HEATR5A: variants seen among roughly 807,000 people sequenced by gnomAD.
The protein encoded by HEATR5A is HEAT repeat containing 5A, also known as HEAT repeat-containing protein 5A.
Under a neutral mutation model 218.8 loss-of-function variants are expected in HEATR5A, and 178 were observed. The ratio of observed to expected loss-of-function variants is 0.81; its 90% CI spans 0.72 to 0.92. HEATR5A has a LOEUF of 0.92. Among genes scored for constraint, HEATR5A ranks in the 40% least tolerant of loss-of-function variants. HEATR5A has a pLI of 0.00. For missense variants in HEATR5A, 2,420 were observed against 2,418.9 expected, an observed-to-expected ratio of 1.00 and a Z score of -0.01; for synonymous variants, 864 against 871.6, an observed-to-expected ratio of 0.99 and a Z score of 0.15.
chr14:31,300,060 C>A (rs1899320249), intron 33 of HEATR5A, among the ~76,000 whole-genome samples: 1 of 151,790 alleles, frequency 6.6e-6, no homozygotes, highest in African/African-American at 2.4e-5. Context: ...CAAAACATTT[C>A]ATTATTCCAC....
chr14:31,380,269 AAG>A (rs1566775355), intron 11 of HEATR5A, among the ~76,000 whole-genome samples, 196 bp downstream of exon 11: 1 of 152,260 alleles, frequency 6.6e-6, no homozygotes, highest in Non-Finnish European at 1.5e-5. Flanking sequence ...AGAGAAAATC[AAG>A]AGAGATCTCA....
chr14:31,315,434 A>G (rs964766095), intron 27 of HEATR5A, among the ~76,000 whole-genome samples: 8 of 152,218 alleles, frequency 5.3e-5, no homozygotes, highest in African/African-American at 1.9e-4. Context: ...AGAGCATTAG[A>G]AAGCATTACA....
intron 13 of HEATR5A, among the ~76,000 whole-genome samples, chr14:31,365,711 C>A (rs952189661): frequency 7.3e-5 from 11 of 151,578 alleles, no homozygotes; most frequent in African/African-American, 2.7e-4. Flanking sequence ...GTCGCCCAGG[C>A]TGGATTGTAG....
Position 31,306,816 on chromosome 14 carries a change from T to G in HEATR5A, c.4882A>C (p.Ile1628Leu). ...ACCACTTCAAGTGAAGCCAACTGAA[T>G]GGAAGGTGATTCTCTGGTTAAAATT... The part of the protein sequence containing the change: ...RVILTRESPS[I>L]QLASLEVVRQ... Residue 1628 changes from isoleucine to leucine, a missense_variant, in exon 31 of 36, where the codon ATT (isoleucine) becomes CTT (leucine). Transcript: ENST00000543095. The G allele has an allele frequency of 3.1e-6, 5 of 1,613,630 alleles. No individual in the cohort carries two copies. Among genetic ancestry groups the G allele is most frequent in the Non-Finnish European group, 4.2e-6 (5 of 1,179,636 alleles).
chr14:31,330,072 G>A (rs886607634), intron 22 of HEATR5A, among the ~76,000 whole-genome samples: 1 of 152,206 alleles, frequency 6.6e-6, no homozygotes, highest in Non-Finnish European at 1.5e-5. Context: ...CTCTGTGTGG[G>A]GGCTCTGACC....
chr14:31,411,353 A>T (rs562934883), intron 1 of HEATR5A, among the ~76,000 whole-genome samples: 61 of 152,328 alleles, frequency 4.0e-4, no homozygotes, highest in Non-Finnish European at 5.9e-5. Flanking sequence ...TATTCAAAGA[A>T]TACTAGGCTG....
chr14:31,315,576 T>C (rs896675473), intron 27 of HEATR5A, among the ~76,000 whole-genome samples, 194 bp downstream of exon 27: 6 of 152,238 alleles, frequency 3.9e-5, no homozygotes, highest in Non-Finnish European at 7.3e-5. Context: ...TAGGAGATAA[T>C]AGACTACGGA....
At position 31,400,381 on chromosome 14, in the gene HEATR5A, G is replaced by C. The variant is rs1179997659; in HGVS notation, c.258C>G (p.Phe86Leu). 6.5e-7 allele frequency: 1 copy of C among 1,535,836 alleles called. No individual in the cohort carries two copies. Among genetic ancestry groups the C allele is most frequent in the Non-Finnish European group, 8.7e-7 (1 of 1,146,692 alleles). Residue 86 changes from phenylalanine to leucine, a missense_variant, in exon 3 of 36, where the codon TTC becomes TTG. Physicochemically the swap from Phe to Leu is conservative, Grantham distance 22. Transcript: ENST00000543095. ...LAILYSIGDT[F>L]SVHEAIDKCN... ...ATTTATCGATTGCTTCATGAACGGAGAATGTGTCTCCAATACTATAAAGTA... is the reference window on the plus strand; with the variant it reads ...ATTTATCGATTGCTTCATGAACGGACAATGTGTCTCCAATACTATAAAGTA...
At chr14:31,302,878 C>T (rs771321906) in intron 32 of HEATR5A, 1 of 181,606 alleles carries the variant, frequency 5.5e-6, no homozygotes, top group Non-Finnish European at 1.1e-5. Flanking sequence ...AGTGTACAGT[C>T]CAGTGGCATT....
At chr14:31,302,979 G>T (rs1452665226) in intron 32 of HEATR5A, among the ~76,000 whole-genome samples, 1 of 150,078 alleles carries the variant, frequency 6.7e-6, no homozygotes, top group African/African-American at 2.4e-5. Context: ...TGGGATGGTG[G>T]TGTGCGCCTG....
intron 29 of HEATR5A, 142 bp downstream of exon 29, chr14:31,308,792 T>C: frequency 1.6e-6 from 1 of 633,724 alleles, no homozygotes; most frequent in Non-Finnish European, 2.6e-6. Flanking sequence ...TATATTTTTA[T>C]TTTCAGTTGA....
intron 1 of HEATR5A, among the ~76,000 whole-genome samples, chr14:31,410,901 C>A (rs1411715207): frequency 1.3e-5 from 2 of 152,112 alleles, no homozygotes; most frequent in Non-Finnish European, 2.9e-5. Context: ...TAATATTAGT[C>A]TTTCTAATTC....
intron 9 of HEATR5A, 90 bp from the exon 10 acceptor site, chr14:31,383,861 T>A: frequency 1.1e-6 from 1 of 940,848 alleles, no homozygotes; most frequent in Non-Finnish European, 1.5e-6. Flanking sequence ...CACATGGATA[T>A]AAAATATATT....
At chr14:31,398,899 T>C (rs561340031) in intron 3 of HEATR5A, 118 bp from the exon 4 acceptor site, 2 of 625,580 alleles carry the variant, frequency 3.2e-6, no homozygotes, top group African/African-American at 3.7e-5. Flanking sequence ...CTTTTTACTT[T>C]CTTTGTATTA....
intron 22 of HEATR5A, among the ~76,000 whole-genome samples, chr14:31,327,919 T>C (rs1425188892): frequency 2.0e-5 from 3 of 152,164 alleles, no homozygotes; most frequent in Non-Finnish European, 4.4e-5. Flanking sequence ...TGAAAGCATG[T>C]AGATTTGAAA....
At chr14:31,360,381 G>C (rs1037501193) in intron 14 of HEATR5A, among the ~76,000 whole-genome samples, 1 of 152,010 alleles carries the variant, frequency 6.6e-6, no homozygotes, top group African/African-American at 2.4e-5. Context: ...ATCTAGACGG[G>C]GCTCATTTTT....
Position 31,402,947 on chromosome 14 carries a change from T to A in HEATR5A, c.29A>T (p.Asn10Ile). The A allele has an allele frequency of 1.3e-6, 2 of 1,536,160 alleles. No individual in the cohort carries two copies. The highest frequency in any genetic ancestry group is 8.7e-7 in the Non-Finnish European group (1 of 1,146,808). MELAHSLLL[N>I]EEAYNQLGEV... ...ACCTAGTTGATTGTATGCTTCTTCATTCAGCAGTAAGCTATGAGCTAATTC... is the reference window on the plus strand; with the variant it reads ...ACCTAGTTGATTGTATGCTTCTTCAATCAGCAGTAAGCTATGAGCTAATTC... The change falls in exon 2 of 36, where the codon AAT (asparagine) becomes ATT (isoleucine). Residue 10 changes from asparagine (N) to isoleucine (I), a missense_variant. Coordinates refer to ENST00000543095, the MANE Select transcript of HEATR5A (RefSeq NM_015473.4).
At chr14:31,334,959 A>G (rs1392307396) in intron 22 of HEATR5A, among the ~76,000 whole-genome samples, 5 of 151,124 alleles carry the variant, frequency 3.3e-5, no homozygotes, top group African/African-American at 1.2e-4. Context: ...AAAAAAAAAA[A>G]AAAAAAGAAA....
intron 5 of HEATR5A, among the ~76,000 whole-genome samples, 186 bp downstream of exon 5, chr14:31,395,013 T>C (rs927204818): frequency 6.6e-6 from 1 of 152,162 alleles, no homozygotes; most frequent in South Asian, 2.1e-4. Context: ...CCTCTGACAA[T>C]GTGTTGCTAA....
Sources: gnomAD v4.1 joint callset for allele counts (sites outside exome capture counted in the v4.1 genomes callset) on GRCh38, gnomAD v4.1.1 for gene constraint, MANE v1.5 for transcripts, NCBI Gene and HGNC (gene_info 2026-07-23, HGNC 2026-07-21) for gene names.